The following CAMSAP3 variants were observed in gnomAD, a reference collection of about 807,000 sequenced individuals.
CAMSAP3 encodes the protein calmodulin regulated spectrin associated protein family member 3.
CAMSAP3 carries 34 observed loss-of-function variants against 112.5 expected under a neutral mutation model. That is an observed-to-expected ratio of 0.30 (90% confidence interval 0.23 to 0.40). The LOEUF is 0.40. Among genes scored for constraint, CAMSAP3 ranks in the 10% least tolerant of loss-of-function variants. The pLI is 1.00. For missense variants in CAMSAP3, 1,602 were observed against 1,770.3 expected (o/e 0.90, Z 1.71); for synonymous variants, 868 against 799.8 (o/e 1.09, Z -1.44).
At position 7,606,332 on chromosome 19, in the gene CAMSAP3, C is replaced by T. The variant is rs1353316485; in HGVS notation, c.464C>T (p.Thr155Ile). Residue 155 changes from threonine (T) to isoleucine (I), a missense_variant, in exon 3 of 17, where the codon ACC (threonine) becomes ATC (isoleucine). This residue lies in a region of CAMSAP3 where 35 missense variants were observed against 79.8 expected (regional missense o/e 0.44). Coordinates refer to ENST00000160298, the MANE Select transcript of CAMSAP3 (RefSeq NM_020902.2). ...MAAFAFEWTKTLPGPLALTSL... is the reference protein window; with the variant it reads ...MAAFAFEWTKILPGPLALTSL... ...GCCTTTGCCTTCGAGTGGACAAAGA[C>T]CCTGCCAGGTCCCTTGGCCCTGACC... 14 of 1,613,768 alleles carry T rather than the reference C, an allele frequency of 8.7e-6. No individual in the cohort carries two copies. Among genetic ancestry groups the T allele is most frequent in the African/African-American group, 1.3e-5 (1 of 74,930 alleles).
intron 5 of CAMSAP3, among the ~76,000 whole-genome samples, chr19:7,609,060 G>A (rs982716358): frequency 1.3e-5 from 2 of 151,706 alleles, no homozygotes; most frequent in South Asian, 2.1e-4. Context: ...GGTGGCTCAC[G>A]CCTGTAATCC....
chr19:7,596,635 C>G (rs1373249821), intron 1 of CAMSAP3, among the ~76,000 whole-genome samples: 1 of 152,106 alleles, frequency 6.6e-6, no homozygotes, highest in Non-Finnish European at 1.5e-5. Flanking sequence ...GCGCTCCGGT[C>G]TCCACCACCG....
chr19:7,611,282 C>G lies in CAMSAP3; in HGVS notation c.1123+114C>G. On this transcript the variant is annotated intron_variant, in intron 9 of 16. Coordinates refer to ENST00000160298, the MANE Select transcript of CAMSAP3 (RefSeq NM_020902.2). This position sits in a 1 kb window ranked among gnomAD's most constrained non-coding sequence, Gnocchi z 6.9. ...TTCCAATAGCCTCTCCATCAGATCC[C>G]CCTTGGGCATCCCAAAGTGACCCCC... 9.1e-7 allele frequency: 1 copy of G among 1,102,488 alleles called. No individual in the cohort carries two copies. Among genetic ancestry groups the G allele is most frequent in the Non-Finnish European group, 1.3e-6 (1 of 747,478 alleles). 68.3% of individuals were successfully genotyped at this position (1,102,488 alleles called of 1,614,324 possible). A position where few individuals can be genotyped will look rare whatever the true frequency, so the allele number is the denominator to read the frequency against.
Position 7,606,547 on chromosome 19 carries a change from C to T in CAMSAP3, c.597C>T (p.Asp199=), listed in dbSNP as rs972561674. Residue 199 remains aspartate (D), a synonymous_variant, in exon 4 of 17, where the codon GAC becomes GAT. Coordinates refer to ENST00000160298, the MANE Select transcript of CAMSAP3 (RefSeq NM_020902.2). ...GAGCCTCTCCAGCAGCCCCTGCAGA[C>T]GGGGCGGCCCCGGCGCAGCCCTCGG... The part of the protein sequence containing the change: ...AQRASPAAPA[D]GAAPAQPSIR... 13 of 1,544,676 alleles carry T rather than the reference C, an allele frequency of 8.4e-6. No homozygotes were observed. Among genetic ancestry groups the T allele is most frequent in the African/African-American group, 5.4e-5 (4 of 73,512 alleles).
chr19:7,604,917 G>A (rs750110248), intron 1 of CAMSAP3, among the ~76,000 whole-genome samples: 2 of 152,092 alleles, frequency 1.3e-5, no homozygotes, highest in Non-Finnish European at 2.9e-5. Context: ...AGCTGGCCTG[G>A]TATTGGGGGT....
At position 7,595,969 on chromosome 19, in the gene CAMSAP3, G is replaced by GCGCGGACCCGGCGCC. The variant is rs1294545821; in HGVS notation, c.-30_-16dup. On this transcript the variant is annotated 5_prime_UTR_variant, in exon 1 of 17. Transcript: ENST00000160298. ...CGCAGCCCAGCCCAGCCCAGTCCGA[G>GCGCGGACCCGGCGCC]CGCGGACCCGGCGCCCGCAGCCCCG... 2 of 1,031,380 alleles carry GCGCGGACCCGGCGCC rather than the reference G, an allele frequency of 1.9e-6. No homozygotes were observed. Among genetic ancestry groups the GCGCGGACCCGGCGCC allele is most frequent in the Non-Finnish European group, 2.3e-6 (2 of 853,016 alleles). The allele number at this position is 1,031,380 out of a possible 1,614,324, so 63.9% of individuals were successfully genotyped here.
Position 7,608,627 on chromosome 19 carries a change from A to G in CAMSAP3, c.760+363A>G, listed in dbSNP as rs377009318. ...GAGAGAAAGATACTAAGTTTATCCAAAAGTACTTTTTTTTTTTTTTTTTTG... is the reference window on the plus strand; with the variant it reads ...GAGAGAAAGATACTAAGTTTATCCAGAAGTACTTTTTTTTTTTTTTTTTTG... On this transcript the variant is annotated intron_variant, in intron 5 of 16. Coordinates refer to ENST00000160298, the MANE Select transcript of CAMSAP3 (RefSeq NM_020902.2). Among the ~76,000 whole-genome samples the G allele has an allele frequency of 5.3e-4, 79 of 150,062 alleles. No homozygotes were observed. In the East Asian group the frequency reaches 8.2e-3, roughly 16 times the overall value.
rs2024438125 is a variant in CAMSAP3, at chr19:7,596,269, C to T, written c.148+119C>T. 7 of 378,312 alleles carry T rather than the reference C, an allele frequency of 1.9e-5. No homozygotes were observed. In the South Asian group the frequency reaches 5.3e-4, roughly 28 times the overall value. The allele number at this position is 378,312 out of a possible 1,614,324, so 23.4% of individuals were successfully genotyped here. The stretch of plus-strand genomic sequence containing the variant: ...CCGTGGGAACAATAGCGCCGGCCGC[C>T]GGGGGTCCCCGGGCTCGGGCCCCTG... On this transcript the variant is annotated intron_variant, in intron 1 of 16. Transcript: ENST00000160298.
intron 3 of CAMSAP3, 29 bp downstream of exon 3, chr19:7,606,422 C>A: frequency 6.2e-7 from 1 of 1,612,170 alleles, no homozygotes; most frequent in Non-Finnish European, 8.5e-7. Flanking sequence ...GGGGTGGGTT[C>A]GGGGACCAGC....
chr19:7,607,684 G>T lies in CAMSAP3; in HGVS notation c.622-442G>T. 1 of 368,136 alleles carries T rather than the reference G, an allele frequency of 2.7e-6. No individual in the cohort carries two copies. Among genetic ancestry groups the T allele is most frequent in the East Asian group, 5.3e-5 (1 of 18,694 alleles). The allele number at this position is 368,136 out of a possible 1,614,324, so 22.8% of individuals were successfully genotyped here. A position where few individuals can be genotyped will look rare whatever the true frequency, so the allele number is the denominator to read the frequency against. Reference sequence around the variant, plus strand: ...GGGAGGAGCTGGGGTTCGCGAAGCCGGCCAGAGCAGTCAGGGAGCTGGACG... The same window carrying T: ...GGGAGGAGCTGGGGTTCGCGAAGCCTGCCAGAGCAGTCAGGGAGCTGGACG... On this transcript the variant is annotated intron_variant, in intron 4 of 16. Coordinates refer to ENST00000160298, the MANE Select transcript of CAMSAP3 (RefSeq NM_020902.2). The surrounding 1 kb of genome is among the most constrained non-coding windows in gnomAD (Gnocchi z 4.9).
Position 7,612,987 on chromosome 19 carries a change from A to G in CAMSAP3, c.2494A>G (p.Thr832Ala). ...CTCTTCCATCCTCCTGGCGGAGGAG[A>G]CGCCCCCCGAGGAGCCAGCCGCCCG... ...TRSSILLAEE[T>A]PPEEPAARPG... Residue 832 changes from threonine (T) to alanine (A), a missense_variant, in exon 11 of 17, where the codon ACG (threonine) becomes GCG (alanine). This residue lies in a region of CAMSAP3 where 1,100 missense variants were observed against 1,135.7 expected (regional missense o/e 0.97). Coordinates refer to ENST00000160298, the MANE Select transcript of CAMSAP3 (RefSeq NM_020902.2). The G allele has an allele frequency of 6.3e-7, 1 of 1,583,846 alleles. No individual in the cohort carries two copies. The highest frequency in any genetic ancestry group is 8.6e-7 in the Non-Finnish European group (1 of 1,167,980).
At chr19:7,603,525 T>A (rs2030063653) in intron 1 of CAMSAP3, among the ~76,000 whole-genome samples, 1 of 152,006 alleles carries the variant, frequency 6.6e-6, no homozygotes, top group Admixed American at 6.6e-5. Flanking sequence ...CCCACCCCGT[T>A]CTTTCAAACA....
chr19:7,606,348 G>A lies in CAMSAP3; in HGVS notation c.480G>A (p.Leu160=). The A allele has an allele frequency of 6.8e-6, 11 of 1,613,924 alleles. No homozygotes were observed. The highest frequency in any genetic ancestry group is 9.3e-6 in the Non-Finnish European group (11 of 1,180,022). The change falls in exon 3 of 17, where the codon TTG becomes TTA. Residue 160 remains leucine, a synonymous_variant. Transcript: ENST00000160298. ...FEWTKTLPGP[L]ALTSLEHKLL... ...GGACAAAGACCCTGCCAGGTCCCTTGGCCCTGACCAGCTTGGAGCACAAGC... is the reference window on the plus strand; with the variant it reads ...GGACAAAGACCCTGCCAGGTCCCTTAGCCCTGACCAGCTTGGAGCACAAGC...
chr19:7,604,671 G>T (rs772408908), intron 1 of CAMSAP3, among the ~76,000 whole-genome samples: 1 of 151,678 alleles, frequency 6.6e-6, no homozygotes, highest in African/African-American at 2.4e-5. Context: ...AAGAGAGGGC[G>T]TCCAGTTTGC....
At position 7,615,713 on chromosome 19, in the gene CAMSAP3, C is replaced by A. The variant is rs1424922946; in HGVS notation, c.3106C>A (p.Leu1036Met). ...CCTGGCACGAAGCCCAGCCCGCGGC[C>A]TGCTGGGTGAGGACCCTTGGGGGAC... ...SALARSPARG[L>M]LGSRLSKIYS... The change falls in exon 13 of 17, where the codon CTG (leucine) becomes ATG (methionine). Residue 1036 changes from leucine to methionine, a missense_variant. Leu to Met is a conservative substitution (Grantham distance 15). This residue lies in a region of CAMSAP3 where 1,100 missense variants were observed against 1,135.7 expected (regional missense o/e 0.97). Transcript: ENST00000160298. This position sits in a 1 kb window ranked among gnomAD's most constrained non-coding sequence, Gnocchi z 6.5. 1 of 1,403,770 alleles carries A rather than the reference C, an allele frequency of 7.1e-7. No individual in the cohort carries two copies. Among genetic ancestry groups the A allele is most frequent in the Non-Finnish European group, 9.2e-7 (1 of 1,085,756 alleles). The allele number at this position is 1,403,770 out of a possible 1,614,324, so 87.0% of individuals were successfully genotyped here.
chr19:7,606,136 G>GCCCCCCCCCCCCCCACCCCCCC, intron 2 of CAMSAP3, 135 bp from the exon 3 acceptor site: 1 of 511,800 alleles, frequency 2.0e-6, no homozygotes, highest in Non-Finnish European at 3.4e-6. Flanking sequence ...TGAACCACTG[G>GCCCCCCCCCCCCCCACCCCCCC]CCCCGCCCCC....
In CAMSAP3 at chr19:7,612,616, C is replaced by T; in HGVS notation, c.2123C>T (p.Ala708Val). Residue 708 changes from alanine (A) to valine (V), a missense_variant, in exon 11 of 17, where the codon GCC becomes GTC. Coordinates refer to ENST00000160298, the MANE Select transcript of CAMSAP3 (RefSeq NM_020902.2). Reference protein sequence around the residue: ...EYNRAVSKLSAALSSLQRDMQ... With the variant: ...EYNRAVSKLSVALSSLQRDMQ... ...AATCGAGCGGTCAGCAAGCTGAGTG[C>T]CGCCTTGAGCTCGCTGCAGCGGGAC... The T allele has an allele frequency of 6.5e-7, 1 of 1,527,856 alleles. No individual in the cohort carries two copies. Among genetic ancestry groups the T allele is most frequent in the South Asian group, 1.2e-5 (1 of 83,536 alleles). The allele number at this position is 1,527,856 out of a possible 1,614,324, so 94.6% of individuals were successfully genotyped here.
At chr19:7,606,943 C>T (rs1055284740) in intron 4 of CAMSAP3, 5 of 951,136 alleles carry the variant, frequency 5.3e-6, no homozygotes, top group Non-Finnish European at 6.8e-6. Context: ...GGTTGGACCC[C>T]AGTCCTGGGA....
rs534384150 is a variant in CAMSAP3, at chr19:7,611,033, C to G, written c.1050-62C>G. On this transcript the variant is annotated intron_variant, in intron 8 of 16. Coordinates refer to ENST00000160298, the MANE Select transcript of CAMSAP3 (RefSeq NM_020902.2). The surrounding 1 kb of genome is among the most constrained non-coding windows in gnomAD (Gnocchi z 6.9). ...GCAGCTGGGTGATGCTGTTGTCTCC[C>G]CCCGGGGAGAGGCGGAGGAGGAGGT... is the stretch of plus-strand genomic sequence containing the variant. 4.4e-6 allele frequency: 7 copies of G among 1,602,726 alleles called. No individual in the cohort carries two copies. The highest frequency in any genetic ancestry group is 2.2e-5 in the East Asian group (1 of 44,754).
Sources: gnomAD v4.1 joint callset for allele counts (sites outside exome capture counted in the v4.1 genomes callset) on GRCh38, gnomAD v4.1.1 for gene constraint, gnomAD v4.1.1 regional missense constraint, Gnocchi (gnomAD v3.1) non-coding constraint, MANE v1.5 for transcripts, NCBI Gene and HGNC (gene_info 2026-07-23, HGNC 2026-07-21) for gene names.